IQCH: variants seen among roughly 807,000 people sequenced by gnomAD.
IQCH encodes IQ domain-containing protein H.
In IQCH, 98 loss-of-function variants were observed where a neutral mutation model predicts 117.0. The ratio of observed to expected loss-of-function variants is 0.84; its 90% CI spans 0.71 to 0.99. The LOEUF (loss-of-function observed/expected upper bound fraction) is 0.99. IQCH is among the 50% of genes least tolerant of loss of function. The pLI, the probability that IQCH is intolerant of heterozygous loss-of-function variation, is 0.00. For missense variants in IQCH, 1,102 were observed against 1,243.8 expected (o/e 0.89, Z 1.72); for synonymous variants, 412 against 448.2 (o/e 0.92, Z 1.02).
At chr15:67,497,044 A>AAAAAGT (rs2083836280) in intron 20 of IQCH, among the ~76,000 whole-genome samples, 1 of 151,470 alleles carries the variant, frequency 6.6e-6, no homozygotes, top group South Asian at 2.1e-4. Flanking sequence ...AAAAAAAAAA[A>AAAAAGT]AAAAGTAAAA....
At position 67,408,654 on chromosome 15, in the gene IQCH, A is replaced by G. The variant is rs2081366441; in HGVS notation, c.2098-8277A>G. On this transcript the variant is annotated intron_variant, in intron 14 of 20. Transcript: ENST00000335894. This position sits in a 1 kb window ranked among gnomAD's most constrained non-coding sequence, Gnocchi z 4.2. ...AATTCTCCTGATAGTCTCTCATTTC[A>G]TTCCACAAACTTACTCCTCTCCCCC... Among the ~76,000 whole-genome samples the G allele has an allele frequency of 6.6e-6, 1 of 152,202 alleles. No individual in the cohort carries two copies. Among genetic ancestry groups the G allele is most frequent in the South Asian group, 2.1e-4 (1 of 4,832 alleles).
chr15:67,267,520 C>T (rs938674424), intron 3 of IQCH, among the ~76,000 whole-genome samples: 1 of 152,286 alleles, frequency 6.6e-6, no homozygotes, highest in Non-Finnish European at 1.5e-5. Context: ...TTCTACTACC[C>T]GGTTGCTATG....
At chr15:67,258,848 C>A (rs1596044433) in intron 1 of IQCH, among the ~76,000 whole-genome samples, 1 of 152,176 alleles carries the variant, frequency 6.6e-6, no homozygotes, top group African/African-American at 2.4e-5. Context: ...TTGGATCTAT[C>A]TGAAGAAAGA....
At chr15:67,460,713 T>C (rs1394394028) in intron 16 of IQCH, among the ~76,000 whole-genome samples, 3 of 152,228 alleles carry the variant, frequency 2.0e-5, no homozygotes, top group African/African-American at 4.8e-5. Context: ...AGACACCTTA[T>C]GTTCTCATTA....
Position 67,475,301 on chromosome 15 carries a change from C to A in IQCH, c.2677-395C>A, listed in dbSNP as rs1331129398. Among the ~76,000 whole-genome samples, 1 of 151,922 alleles carries A rather than the reference C, an allele frequency of 6.6e-6. No homozygotes were observed. The highest frequency in any genetic ancestry group is 1.5e-5 in the Non-Finnish European group (1 of 67,980). ...GACCAGCCTGGGCAACATAGTGAGA[C>A]CCCTGTCTCTACAAAAAAATAATAA... On this transcript the variant is annotated intron_variant, in intron 17 of 20. Transcript: ENST00000335894. This position sits in a 1 kb window ranked among gnomAD's most constrained non-coding sequence, Gnocchi z 5.7.
intron 4 of IQCH, among the ~76,000 whole-genome samples, chr15:67,319,997 C>T (rs929915255): frequency 2.0e-5 from 3 of 152,286 alleles, no homozygotes; most frequent in South Asian, 2.1e-4. Flanking sequence ...TCATTGACTT[C>T]GGCAAAAATA....
At chr15:67,286,771 G>A (rs754054796) in intron 4 of IQCH, among the ~76,000 whole-genome samples, 3 of 151,844 alleles carry the variant, frequency 2.0e-5, no homozygotes, top group Non-Finnish European at 4.4e-5. Flanking sequence ...ACCACACCCG[G>A]CTAATTTTTT....
At chr15:67,343,943 A>T in intron 5 of IQCH, 120 bp from the exon 6 acceptor site, 2 of 764,600 alleles carry the variant, frequency 2.6e-6, no homozygotes, top group Non-Finnish European at 4.2e-6. Context: ...TTAAGGCACT[A>T]GATGTACCCT....
chr15:67,308,220 C>T (rs567518702), intron 4 of IQCH, among the ~76,000 whole-genome samples: 1 of 152,270 alleles, frequency 6.6e-6, no homozygotes, highest in African/African-American at 2.4e-5. Context: ...TGCTTCTGTT[C>T]TCTTTTTCCA....
intron 8 of IQCH, among the ~76,000 whole-genome samples, chr15:67,363,991 A>G (rs1970243392): frequency 6.6e-6 from 1 of 152,128 alleles, no homozygotes; most frequent in Non-Finnish European, 1.5e-5. Context: ...TGTCTTTGCT[A>G]TTGTGAATAG....
At chr15:67,309,479 A>G (rs1967478122) in intron 4 of IQCH, among the ~76,000 whole-genome samples, 1 of 152,122 alleles carries the variant, frequency 6.6e-6, no homozygotes, top group Admixed American at 6.6e-5. Flanking sequence ...TATTAAGGAC[A>G]GGACTGATTT....
intron 3 of IQCH, among the ~76,000 whole-genome samples, chr15:67,273,126 A>C (rs560125100): frequency 6.6e-6 from 1 of 152,112 alleles, no homozygotes; most frequent in South Asian, 2.1e-4. Context: ...GCTGGAGTGC[A>C]GTGTTGCAAT....
At chr15:67,319,038 G>A (rs1286288231) in intron 4 of IQCH, among the ~76,000 whole-genome samples, 1 of 152,022 alleles carries the variant, frequency 6.6e-6, no homozygotes, top group African/African-American at 2.4e-5. Context: ...CCATCCTGGC[G>A]AACATGGTGA....
intron 1 of IQCH, among the ~76,000 whole-genome samples, chr15:67,256,650 A>G (rs1170318186): frequency 6.6e-6 from 1 of 152,214 alleles, no homozygotes; most frequent in Non-Finnish European, 1.5e-5. Flanking sequence ...CTCTTTTTAT[A>G]GATTCCAAAT....
At chr15:67,441,122 C>CAAAAAAAAAAAAAAAAAA (rs200254535) in intron 16 of IQCH, among the ~76,000 whole-genome samples, 3 of 53,974 alleles carry the variant, frequency 5.6e-5, no homozygotes, top group African/African-American at 7.1e-5. Flanking sequence ...GCAATAGCTG[C>CAAAAAAAAAAAAAAAAAA]AAAAAAAAAA....
At chr15:67,452,383 T>G (rs1371013189) in intron 16 of IQCH, among the ~76,000 whole-genome samples, 2 of 152,242 alleles carry the variant, frequency 1.3e-5, no homozygotes, top group Non-Finnish European at 2.9e-5. Flanking sequence ...TTTCCATGTT[T>G]AGTGCTTCCT....
intron 15 of IQCH, among the ~76,000 whole-genome samples, chr15:67,418,155 T>A (rs985364130): frequency 6.6e-6 from 1 of 152,136 alleles, no homozygotes; most frequent in Non-Finnish European, 1.5e-5. Flanking sequence ...CATGAAAAGC[T>A]ACCTCCGTGC....
chr15:67,434,376 C>A (rs540103029), intron 16 of IQCH, among the ~76,000 whole-genome samples: 2 of 152,282 alleles, frequency 1.3e-5, no homozygotes, highest in African/African-American at 4.8e-5. Context: ...ATATTATCCT[C>A]CAGGTTCATT....
chr15:67,299,871 TTTGTCTTTTA>T (rs1251041987), intron 4 of IQCH, among the ~76,000 whole-genome samples: 11 of 152,204 alleles, frequency 7.2e-5, no homozygotes, highest in Non-Finnish European at 1.6e-4. Flanking sequence ...AATTTCTTTT[TTTGTCTTTTA>T]ATAATATTAA....
Sources: gnomAD v4.1 joint callset for allele counts (sites outside exome capture counted in the v4.1 genomes callset) on GRCh38, gnomAD v4.1.1 for gene constraint, Gnocchi (gnomAD v3.1) non-coding constraint, MANE v1.5 for transcripts, NCBI Gene and HGNC (gene_info 2026-07-23, HGNC 2026-07-21) for gene names.